Variants in ANKRD26 observed in about 807,000 individuals in gnomAD.
ANKRD26 encodes the protein ankyrin repeat domain 26.
ANKRD26 carries 141 observed loss-of-function variants against 208.7 expected under a neutral mutation model. The observed-to-expected ratio is 0.68, with a 90% confidence interval of 0.59 to 0.78. The LOEUF (loss-of-function observed/expected upper bound fraction) is 0.78, where lower values mean the gene tolerates loss of function less well. Ranked by LOEUF, ANKRD26 falls within the 30% of genes least tolerant of loss-of-function variation. ANKRD26 has a pLI of 0.00. For synonymous variants in ANKRD26, 636 were observed against 660.4 expected, an observed-to-expected ratio of 0.96 and a Z score of 0.57; for missense variants, 1,889 against 1,938.7, an observed-to-expected ratio of 0.97 and a Z score of 0.48.
intron 1 of ANKRD26, 90 bp downstream of exon 1, chr10:27,099,995 T>C: frequency 6.3e-7 from 1 of 1,596,478 alleles, no homozygotes; most frequent in Non-Finnish European, 8.5e-7. Flanking sequence ...GGGAGGCTGA[T>C]CCAGGCCCTG....
At chr10:26,970,062 TC>T (rs1310361046), downstream of ANKRD26, among the ~76,000 whole-genome samples, 1 of 152,094 alleles carries the variant, frequency 6.6e-6, no homozygotes, top group East Asian at 1.9e-4. Context: ...CCTCAAGTGA[TC>T]CTCCTGCCTC....
chr10:27,034,803 T>C lies in ANKRD26; in HGVS notation c.3647A>G (p.Glu1216Gly), dbSNP rs1178296553. The change falls in exon 24 of 34, where the codon GAA becomes GGA. Residue 1216 changes from glutamate (E) to glycine (G), a missense_variant. Glu to Gly is a moderately conservative substitution (Grantham distance 98, BLOSUM62 -2). Transcript: ENST00000376087. ...ATCTTTCTTGATACTTACTTCTCTT[T>C]CTGCCTTTTCATTTTCATATTGATA... ...RQYQYENEKA[E>G]REVVVRQLQQ... is the part of the protein sequence containing the mutation. 1.9e-6 allele frequency: 3 copies of C among 1,601,628 alleles called. No homozygotes were observed. The highest frequency in any genetic ancestry group is 2.6e-6 in the Non-Finnish European group (3 of 1,172,764).
chr10:27,064,384 T>C (rs2055166872), intron 11 of ANKRD26, among the ~76,000 whole-genome samples: 1 of 152,150 alleles, frequency 6.6e-6, no homozygotes, highest in African/African-American at 2.4e-5. Context: ...AACAAGGAAC[T>C]AATATCAAAA....
chr10:27,060,565 T>C lies in ANKRD26; in HGVS notation c.1463-25A>G, dbSNP rs370800930. 17 of 1,452,606 alleles carry C rather than the reference T, an allele frequency of 1.2e-5. 1 individual carries two copies. In the African/African-American group the frequency reaches 2.1e-4, roughly 18 times the overall value. The allele number at this position is 1,452,606 out of a possible 1,614,324, so 90.0% of individuals were successfully genotyped here. A position where few individuals can be genotyped will look rare whatever the true frequency, so the allele number is the denominator to read the frequency against. On this transcript the variant is annotated intron_variant, in intron 13 of 33. Transcript: ENST00000376087. ...TCTAAAAACCAAAAGGGACATATAA[T>C]CAATTATACATAAATATGACAAAGT...
chr10:27,058,914 G>GTTT (rs201450924), intron 15 of ANKRD26, among the ~76,000 whole-genome samples: 2 of 104,190 alleles, frequency 1.9e-5, no homozygotes, highest in Admixed American at 9.6e-5. Flanking sequence ...TTTGTTTTTT[G>GTTT]TTTTTTTGTT....
At chr10:27,033,029 C>T (rs772229679) in intron 25 of ANKRD26, among the ~76,000 whole-genome samples, 196 bp downstream of exon 25, 13 of 145,214 alleles carry the variant, frequency 9.0e-5, no homozygotes, top group Non-Finnish European at 1.7e-4. Flanking sequence ...GAGCCGAGAT[C>T]GCGCCACTGT....
intron 33 of ANKRD26, among the ~76,000 whole-genome samples, chr10:27,005,971 G>A (rs2052861151): frequency 6.6e-6 from 1 of 152,148 alleles, no homozygotes; most frequent in African/African-American, 2.4e-5. Flanking sequence ...CAACAACCAT[G>A]AGCAAAGTAA....
At chr10:26,958,036 T>C in the ANKRD26 span, among the ~76,000 whole-genome samples, 2 of 151,362 alleles carry the variant, frequency 1.3e-5, no homozygotes, top group Admixed American at 6.6e-5. Flanking sequence ...ATGTGTGCCA[T>C]GGTGGTTTAC....
At chr10:27,042,009 C>T (rs1262597658) in intron 20 of ANKRD26, among the ~76,000 whole-genome samples, 1 of 151,444 alleles carries the variant, frequency 6.6e-6, no homozygotes, top group African/African-American at 2.4e-5. Flanking sequence ...ACTATAAATC[C>T]TAAAGCAACC....
In ANKRD26 at chr10:27,056,200, C is replaced by T. The variant is rs191369136; in HGVS notation, c.1565-2810G>A. 2.2e-4 allele frequency among the ~76,000 whole-genome samples: 34 copies of T among 152,112 alleles called. No individual in the cohort carries two copies. The East Asian group carries it at 4.1e-3, about 18-fold the overall frequency. ...CTTTTTCTTCTTTCTTTTTTTGAGA[C>T]GGAGTCTTGCTCTGTCGCCCAGGTT... On this transcript the variant is annotated intron_variant, in intron 15 of 33. Transcript: ENST00000376087.
At chr10:27,005,893 C>T (rs114241299) in intron 33 of ANKRD26, among the ~76,000 whole-genome samples, 170 bp from the exon 34 acceptor site, 2,083 of 152,290 alleles carry the variant, frequency 0.014, 27 homozygotes, top group Middle Eastern at 0.031. Flanking sequence ...CATGGTTGCA[C>T]ACTGAATTAA....
intron 3 of ANKRD26, among the ~76,000 whole-genome samples, chr10:26,983,178 T>C (rs532372576): frequency 6.6e-6 from 1 of 152,214 alleles, no homozygotes; most frequent in African/African-American, 2.4e-5. Context: ...TTGGGTATTA[T>C]TTGTTAAGGC....
the ANKRD26 span, among the ~76,000 whole-genome samples, chr10:26,956,502 C>A: frequency 6.6e-6 from 1 of 152,088 alleles, no homozygotes; most frequent in Non-Finnish European, 1.5e-5. Context: ...CACAGTAGCT[C>A]ACTTCTGTAA....
chr10:27,039,294 A>C (rs1432538828), intron 21 of ANKRD26, among the ~76,000 whole-genome samples: 2 of 152,110 alleles, frequency 1.3e-5, no homozygotes, highest in African/African-American at 4.8e-5. Flanking sequence ...TCTACTAAAA[A>C]AATACAAAAA....
chr10:26,976,848 G>T (rs879643771), intron 5 of ANKRD26, among the ~76,000 whole-genome samples: 2 of 152,138 alleles, frequency 1.3e-5, no homozygotes, highest in Non-Finnish European at 2.9e-5. Context: ...GCAGCCAGAT[G>T]GAAGGTGCAC....
Position 27,017,736 on chromosome 10 carries a change from A to C in ANKRD26, c.4272T>G (p.Asp1424Glu), listed in dbSNP as rs575477956. Residue 1424 changes from aspartate to glutamate, a missense_variant, in exon 30 of 34, where the codon GAT becomes GAG. Physicochemically the swap from Asp to Glu is conservative, Grantham distance 45. This residue lies in a region of ANKRD26 where 613 missense variants were observed against 648.2 expected (regional missense o/e 0.95). Coordinates refer to ENST00000376087, the MANE Select transcript of ANKRD26 (RefSeq NM_014915.3). ...CCTCTTGAAGAATTTGGTTCTTTGT[A>C]TCCAGATGTAGACATTTTGAACCTG... The part of the protein sequence containing the change: ...ETAGSKCLHL[D>E]TKNQILQEEL... 2 of 1,613,152 alleles carry C rather than the reference A, an allele frequency of 1.2e-6. No individual in the cohort carries two copies. The highest frequency in any genetic ancestry group is 1.7e-6 in the Non-Finnish European group (2 of 1,179,784).
At chr10:27,071,086 C>A (rs2055469729) in intron 9 of ANKRD26, among the ~76,000 whole-genome samples, 1 of 151,718 alleles carries the variant, frequency 6.6e-6, no homozygotes, top group Non-Finnish European at 1.5e-5. Flanking sequence ...GCGTATGTGT[C>A]CATTACATAC....
intron 4 of ANKRD26, among the ~76,000 whole-genome samples, chr10:27,088,106 A>G (rs1468658420): frequency 1.3e-5 from 2 of 152,204 alleles, no homozygotes; most frequent in East Asian, 3.8e-4. Context: ...TTTAAGTTCC[A>G]TGAAGGAGAT....
At chr10:27,014,819 A>T in intron 30 of ANKRD26, 108 bp from the exon 31 acceptor site, 1 of 852,620 alleles carries the variant, frequency 1.2e-6, no homozygotes, top group Non-Finnish European at 1.9e-6. Context: ...AACTCCAAAA[A>T]GAGAAAGATC....
Sources: allele counts gnomAD v4.1 joint callset (sites outside exome capture counted in the v4.1 genomes callset), GRCh38; gene constraint gnomAD v4.1.1; regional missense constraint gnomAD v4.1.1; transcripts MANE v1.5; gene names NCBI Gene and HGNC (gene_info 2026-07-23, HGNC 2026-07-21).